The following RPS6KA2 variants were observed in gnomAD, a reference collection of about 807,000 sequenced individuals.
RPS6KA2 encodes the protein ribosomal protein S6 kinase alpha-2.
Under a neutral mutation model 91.8 loss-of-function variants are expected in RPS6KA2, and 42 were observed. The ratio of observed to expected loss-of-function variants is 0.46; its 90% CI spans 0.36 to 0.59. RPS6KA2 has a LOEUF of 0.59. RPS6KA2 is among the 20% of genes least tolerant of loss of function. The pLI is 0.00. For missense variants in RPS6KA2, 798 were observed against 978.5 expected, an observed-to-expected ratio of 0.82 and a Z score of 2.46; for synonymous variants, 414 against 393.6, an observed-to-expected ratio of 1.05 and a Z score of -0.61.
chr6:166,506,585 G>A (rs376360777), intron 5 of RPS6KA2, among the ~76,000 whole-genome samples: 19 of 148,266 alleles, frequency 1.3e-4, no homozygotes, highest in African/African-American at 3.7e-4. Flanking sequence ...AGGTTCTCCC[G>A]GCCCACTGTT....
chr6:166,652,133 T>C (rs1239438338), intron 2 of RPS6KA2, among the ~76,000 whole-genome samples: 1 of 152,272 alleles, frequency 6.6e-6, no homozygotes, highest in Non-Finnish European at 1.5e-5. Context: ...AGTCAGAGGA[T>C]AGAGCTTCGG....
intron 2 of RPS6KA2, among the ~76,000 whole-genome samples, chr6:166,769,653 T>C (rs1778413232): frequency 6.6e-6 from 1 of 152,274 alleles, no homozygotes; most frequent in South Asian, 2.1e-4. Flanking sequence ...ACCCAGATAG[T>C]AGTACCACAA....
chr6:166,524,164 T>C (rs1782949066), intron 3 of RPS6KA2, among the ~76,000 whole-genome samples: 1 of 152,238 alleles, frequency 6.6e-6, no homozygotes, highest in Non-Finnish European at 1.5e-5. Flanking sequence ...GAGATTCTGC[T>C]GGAATGATTT....
chr6:166,827,582 G>A (rs1780081920), intron 2 of RPS6KA2, among the ~76,000 whole-genome samples: 1 of 152,118 alleles, frequency 6.6e-6, no homozygotes, highest in Admixed American at 6.6e-5. Flanking sequence ...TATTAAGGTT[G>A]GCAACATCTA....
chr6:166,779,721 A>C (rs898088412), intron 2 of RPS6KA2, among the ~76,000 whole-genome samples: 1 of 152,054 alleles, frequency 6.6e-6, no homozygotes, highest in African/African-American at 2.4e-5. Flanking sequence ...GGCTCAACTC[A>C]TCCTCCTCTC....
At chr6:166,716,704 T>C (rs553556427) in intron 2 of RPS6KA2, among the ~76,000 whole-genome samples, 1 of 152,310 alleles carries the variant, frequency 6.6e-6, no homozygotes, top group African/African-American at 2.4e-5. Context: ...GTTAAATCCC[T>C]CATTATATAC....
intron 12 of RPS6KA2, among the ~76,000 whole-genome samples, chr6:166,454,921 A>G (rs1262059218): frequency 3.3e-5 from 5 of 150,306 alleles, no homozygotes; most frequent in Admixed American, 6.7e-5. Context: ...AAAATAGAAT[A>G]CTATAATACA....
intron 14 of RPS6KA2, among the ~76,000 whole-genome samples, chr6:166,444,834 A>G (rs952299504): frequency 6.6e-6 from 1 of 152,168 alleles, no homozygotes; most frequent in African/African-American, 2.4e-5. Flanking sequence ...AATTGGTCTT[A>G]ATTTTAGTCC....
rs570609231 is a variant in RPS6KA2 at position 166,530,566 on chromosome 6, G to A, written c.298+666C>T. ...TCAGTTCATCTGTCCAGTGCCCGGC[G>A]CTGTGTGTTCAATCGCCTAATGCTG... is the stretch of plus-strand genomic sequence containing the variant. On this transcript the variant is annotated intron_variant, in intron 3 of 20. Coordinates refer to ENST00000265678, the MANE Select transcript of RPS6KA2 (RefSeq NM_021135.6). Among the ~76,000 whole-genome samples the A allele has an allele frequency of 5.9e-5, 9 of 152,326 alleles. 1 individual carries two copies. Among genetic ancestry groups the A allele is most frequent in the African/African-American group, 1.7e-4 (7 of 41,568 alleles).
exon 1 of RPS6KA2, chr6:166,862,234 G>A (rs1250708585): frequency 2.5e-6 from 4 of 1,611,208 alleles, no homozygotes; most frequent in Non-Finnish European, 3.4e-6. Flanking sequence ...ACAGAGGCTC[G>A]GACCGGCACA....
At chr6:166,833,536 C>T (rs1013598627) in intron 2 of RPS6KA2, among the ~76,000 whole-genome samples, 1 of 152,202 alleles carries the variant, frequency 6.6e-6, no homozygotes, top group African/African-American at 2.4e-5. Flanking sequence ...AAACGCTTCC[C>T]TCATGTCCCT....
rs551364404 is a variant in RPS6KA2 at position 166,745,969 on chromosome 6, G to A, written c.123+112231C>T. Reference sequence around the variant, plus strand: ...GTTGCCCAGTGAGGACATGAGGAACGAAACACAGAACATCACTCGCTCACA... The same window carrying A: ...GTTGCCCAGTGAGGACATGAGGAACAAAACACAGAACATCACTCGCTCACA... On this transcript the variant is annotated intron_variant, in intron 2 of 21. Coordinates refer to the RPS6KA2 transcript ENST00000503859. 1.5e-3 allele frequency among the ~76,000 whole-genome samples: 227 copies of A among 152,312 alleles called. 1 individual carries two copies. Among genetic ancestry groups the A allele is most frequent in the African/African-American group, 5.2e-3 (216 of 41,562 alleles).
intron 2 of RPS6KA2, among the ~76,000 whole-genome samples, chr6:166,650,189 A>T (rs1008392833): frequency 6.6e-6 from 1 of 151,312 alleles, no homozygotes; most frequent in Non-Finnish European, 1.5e-5. Flanking sequence ...GTACCACAAG[A>T]TGCTGAGCCA....
chr6:166,743,017 C>T (rs1245015199), intron 2 of RPS6KA2, among the ~76,000 whole-genome samples: 1 of 152,220 alleles, frequency 6.6e-6, no homozygotes, highest in African/African-American at 2.4e-5. Flanking sequence ...AAGCAGCTAG[C>T]GCACTTCCCC....
At position 166,770,337 on chromosome 6, in the gene RPS6KA2, C is replaced by A. The variant is rs75100233; in HGVS notation, c.123+87863G>T. On this transcript the variant is annotated intron_variant, in intron 2 of 21. Transcript: ENST00000503859. The surrounding 1 kb of genome is among the most constrained non-coding windows in gnomAD (Gnocchi z 5.1). Reference sequence around the variant, plus strand: ...TCCATCTAAAATTATCTATTTTAGTCCTAATTCCTAGAAAAGCTGTTGCTG... The same window carrying A: ...TCCATCTAAAATTATCTATTTTAGTACTAATTCCTAGAAAAGCTGTTGCTG... Among the ~76,000 whole-genome samples the A allele has an allele frequency of 6.6e-6, 1 of 152,132 alleles. No homozygotes were observed. The highest frequency in any genetic ancestry group is 1.9e-4 in the East Asian group (1 of 5,204).
intron 1 of RPS6KA2, among the ~76,000 whole-genome samples, chr6:166,623,291 CCT>C (rs1469413417): frequency 1.3e-5 from 2 of 152,168 alleles, no homozygotes; most frequent in Admixed American, 6.5e-5. Context: ...ATGTACATTC[CCT>C]GTTGGAAGAA....
At chr6:166,772,642 C>T (rs1014470082) in intron 2 of RPS6KA2, among the ~76,000 whole-genome samples, 2 of 152,176 alleles carry the variant, frequency 1.3e-5, no homozygotes, top group African/African-American at 4.8e-5. Context: ...GTGCCTTCGC[C>T]TATCACCTCA....
chr6:166,766,267 C>A (rs1186539504), intron 2 of RPS6KA2, among the ~76,000 whole-genome samples: 1 of 152,208 alleles, frequency 6.6e-6, no homozygotes, highest in Non-Finnish European at 1.5e-5. Flanking sequence ...TGTATCATAT[C>A]ATCACCCAGT....
rs151201473 is a variant in RPS6KA2, at chr6:166,804,266, A to G, written c.123+53934T>C. Among the ~76,000 whole-genome samples the G allele has an allele frequency of 2.9e-3, 438 of 152,282 alleles. 3 individuals carry two copies. The highest frequency in any genetic ancestry group is 0.01 in the African/African-American group (419 of 41,584). On this transcript the variant is annotated intron_variant, in intron 2 of 21. Transcript: ENST00000503859. ...CACAGGCCCATAAAAATAAAGTTCAATGAGAGGTGTAGGCATTATATAGAG... is the reference window on the plus strand; with the variant it reads ...CACAGGCCCATAAAAATAAAGTTCAGTGAGAGGTGTAGGCATTATATAGAG...
Sources: gnomAD v4.1 joint callset for allele counts (sites outside exome capture counted in the v4.1 genomes callset) on GRCh38, gnomAD v4.1.1 for gene constraint, Gnocchi (gnomAD v3.1) non-coding constraint, MANE v1.5 for transcripts, NCBI Gene and HGNC (gene_info 2026-07-23, HGNC 2026-07-21) for gene names.